The following CCAR2 variants were observed in gnomAD, a reference collection of about 807,000 sequenced individuals.
The protein encoded by CCAR2 is cell cycle and apoptosis regulator protein 2.
Under a neutral mutation model 108.1 loss-of-function variants are expected in CCAR2, and 21 were observed. That is an observed-to-expected ratio of 0.19 (90% CI 0.14 to 0.28). CCAR2 has a LOEUF of 0.28. CCAR2 is among the 10% of genes least tolerant of loss of function. The pLI, the probability that CCAR2 is intolerant of heterozygous loss-of-function variation, is 1.00. For missense variants in CCAR2, 1,126 were observed against 1,177.0 expected (o/e 0.96, Z 0.63); for synonymous variants, 577 against 472.8 (o/e 1.22, Z -2.86).
At chr8:22,611,386 A>ATGTGTGTGTG (rs200942064) in intron 7 of CCAR2, among the ~76,000 whole-genome samples, 1 of 9,008 alleles carries the variant, frequency 1.1e-4, no homozygotes, top group African/African-American at 3.0e-4. Context: ...AAAAGTATAT[A>ATGTGTGTGTG]TATGTGTGTG....
intron 8 of CCAR2, 112 bp from the exon 9 acceptor site, chr8:22,613,980 C>T: frequency 1.1e-6 from 1 of 926,110 alleles, no homozygotes; most frequent in East Asian, 2.6e-5. Context: ...TGCCTTACTT[C>T]AAAAGTTCTC....
At chr8:22,612,964 T>C in intron 7 of CCAR2, 53 bp from the exon 8 acceptor site, 1 of 1,548,384 alleles carries the variant, frequency 6.5e-7, no homozygotes, top group Non-Finnish European at 8.7e-7. Flanking sequence ...CAGTTTGTAT[T>C]GAATACATAT....
intron 6 of CCAR2, among the ~76,000 whole-genome samples, chr8:22,607,598 G>A (rs1186170559): frequency 6.6e-6 from 1 of 151,310 alleles, no homozygotes; most frequent in African/African-American, 2.4e-5. Context: ...TTCCCCCGTA[G>A]CTGGGATTAC....
Position 22,620,265 on chromosome 8 carries a change from G to A in CCAR2, c.*583G>A, listed in dbSNP as rs1059592. The A allele has an allele frequency of 0.38, 58,720 of 152,920 alleles. 11,783 individuals carry two copies. The highest frequency in any genetic ancestry group is 0.48 in the African/African-American group (19,994 of 41,442). 9.5% of individuals were successfully genotyped at this position (152,920 alleles called of 1,614,324 possible). A position where few individuals can be genotyped will look rare whatever the true frequency, so the allele number is the denominator to read the frequency against. ...TAGAACACTGCGTTCCAGTCACCCC[G>A]GTCTTGCCAGAAGAAACCAGCACCT... On this transcript the variant is annotated 3_prime_UTR_variant, in exon 21 of 21. Transcript: ENST00000308511.
chr8:22,612,857 A>T, intron 7 of CCAR2, 160 bp from the exon 8 acceptor site: 1 of 745,510 alleles, frequency 1.3e-6, no homozygotes, highest in Non-Finnish European at 2.1e-6. Flanking sequence ...TATCCATTTT[A>T]ATATCTTTAT....
intron 6 of CCAR2, among the ~76,000 whole-genome samples, 191 bp from the exon 7 acceptor site, chr8:22,607,777 AC>A (rs1182408279): frequency 3.3e-5 from 5 of 152,084 alleles, no homozygotes; most frequent in Non-Finnish European, 7.4e-5. Flanking sequence ...GGCACCCACC[AC>A]CATGCCCGGC....
At chr8:22,608,087 T>C (rs752583494) in intron 7 of CCAR2, 22 bp downstream of exon 7, 6 of 1,568,604 alleles carry the variant, frequency 3.8e-6, no homozygotes, top group Non-Finnish European at 5.2e-6. Flanking sequence ...ATGTCCCTTT[T>C]TTTGGCCACT....
Position 22,607,315 on chromosome 8 carries a change from T to C in CCAR2, c.477T>C (p.Phe159=), listed in dbSNP as rs202167215. The stretch of plus-strand genomic sequence containing the variant: ...AGCCTCACCGGATTCCCCCACTCTT[T>C]CCTCAGAAGCGTGAGTACGAGTGGC... ...IFQPHRIPPL[F]PQKPLSLFQT... Residue 159 remains phenylalanine (F), a synonymous_variant, in exon 6 of 21, where the codon TTT becomes TTC. Coordinates refer to ENST00000308511, the MANE Select transcript of CCAR2 (RefSeq NM_001393997.1). 81 of 1,612,142 alleles carry C rather than the reference T, an allele frequency of 5.0e-5. 1 individual carries two copies. In the South Asian group the frequency reaches 8.3e-4, roughly 17 times the overall value.
At chr8:22,617,082 C>T (rs1402978826) in intron 14 of CCAR2, among the ~76,000 whole-genome samples, 2 of 151,460 alleles carry the variant, frequency 1.3e-5, no homozygotes, top group Admixed American at 6.6e-5. Context: ...ACCATGTTGG[C>T]CTGGCTGGTC....
rs1801636310 is a variant in CCAR2, at chr8:22,618,939, G to A, written c.2445G>A (p.Leu815=). Residue 815 remains leucine (L), a synonymous_variant, in exon 19 of 21, where the codon CTG becomes CTA. Transcript: ENST00000308511. The stretch of plus-strand genomic sequence containing the variant: ...GCAGCCTGATTAACGTGGGGAGCCT[G>A]CTGCAGCGCGCGGAGCAGCAGGACA... The part of the protein sequence containing the change: ...HNGSLINVGS[L]LQRAEQQDSG... 6.2e-7 allele frequency: 1 copy of A among 1,613,612 alleles called. No homozygotes were observed. The highest frequency in any genetic ancestry group is 1.3e-5 in the African/African-American group (1 of 74,956).
At chr8:22,620,752 C>T (rs1255961740), downstream of CCAR2, 4 of 152,230 alleles carry the variant, frequency 2.6e-5, no homozygotes, top group African/African-American at 9.7e-5. Flanking sequence ...AATAAAATTC[C>T]AGATACTCAG....
chr8:22,605,847 C>T lies in CCAR2; in HGVS notation c.58+16C>T. 1 of 1,611,460 alleles carries T rather than the reference C, an allele frequency of 6.2e-7. No individual in the cohort carries two copies. Among genetic ancestry groups the T allele is most frequent in the South Asian group, 1.1e-5 (1 of 90,926 alleles). ...AACTTCTCAGGTGATCACTGTTCTC[C>T]CTACCTGGCCTCATCCTGGGAAGTA... is the stretch of plus-strand genomic sequence containing the variant. On this transcript the variant is annotated intron_variant, in intron 2 of 20. Coordinates refer to ENST00000308511, the MANE Select transcript of CCAR2 (RefSeq NM_001393997.1).
intron 20 of CCAR2, 63 bp from the exon 21 acceptor site, chr8:22,619,575 A>C: frequency 6.5e-7 from 1 of 1,531,452 alleles, no homozygotes; most frequent in African/African-American, 1.4e-5. Context: ...GGCAGTCCGC[A>C]GTCCGCAGTC....
chr8:22,612,971 A>G (rs201771993), intron 7 of CCAR2, 46 bp from the exon 8 acceptor site: 32 of 1,587,772 alleles, frequency 2.0e-5, no homozygotes, highest in African/African-American at 2.7e-5. Context: ...TATTGAATAC[A>G]TATAACAATG....
In CCAR2 at chr8:22,604,815, C is replaced by T; in HGVS notation, c.-66C>T. On this transcript the variant is annotated 5_prime_UTR_variant, in exon 1 of 21. Coordinates refer to ENST00000308511, the MANE Select transcript of CCAR2 (RefSeq NM_001393997.1). The stretch of plus-strand genomic sequence containing the variant: ...TGTGGTGGTTCCGGGTGTCTTTGTC[C>T]CCCCGGTGTCGCTGCCCTGGCCCGC... The T allele has an allele frequency of 8.8e-6, 4 of 455,254 alleles. No homozygotes were observed. Among genetic ancestry groups the T allele is most frequent in the South Asian group, 1.6e-5 (1 of 64,486 alleles). The allele number at this position is 455,254 out of a possible 1,614,324, so 28.2% of individuals were successfully genotyped here. A position where few individuals can be genotyped will look rare whatever the true frequency, so the allele number is the denominator to read the frequency against.
At chr8:22,619,419 A>C (rs1273487460) in intron 20 of CCAR2, 64 bp downstream of exon 20, 7 of 1,527,442 alleles carry the variant, frequency 4.6e-6, no homozygotes, top group Non-Finnish European at 6.2e-6. Flanking sequence ...AGTCCCCAGA[A>C]GGGCGCTTGC....
chr8:22,614,573 C>G, intron 10 of CCAR2, 70 bp downstream of exon 10: 1 of 1,400,276 alleles, frequency 7.1e-7, no homozygotes, highest in Non-Finnish European at 1.0e-6. Context: ...TTTGAGTGTT[C>G]GGCTCCTGTT....
chr8:22,621,291 A>G (rs1449680980), downstream of CCAR2: 2 of 1,262,794 alleles, frequency 1.6e-6, no homozygotes, highest in Non-Finnish European at 2.1e-6. Context: ...AGAGTCATTC[A>G]TTGCAAAGGG....
chr8:22,619,950 A>ATT lies in CCAR2; in HGVS notation c.*270_*271dup. ...ATGTCATTTTGCCCTCAACCTTGGTATTTCTCCTGGGGCCCTTTTAGTCTT... is the reference window on the plus strand; with the variant it reads ...ATGTCATTTTGCCCTCAACCTTGGTATTTTTCTCCTGGGGCCCTTTTAGTCTT... On this transcript the variant is annotated 3_prime_UTR_variant, in exon 21 of 21. Transcript: ENST00000308511. 1.9e-6 allele frequency: 1 copy of ATT among 517,890 alleles called. No individual in the cohort carries two copies. Among genetic ancestry groups the ATT allele is most frequent in the Admixed American group, 3.2e-5 (1 of 31,124 alleles). The allele number at this position is 517,890 out of a possible 1,614,324, so 32.1% of individuals were successfully genotyped here. A position where few individuals can be genotyped will look rare whatever the true frequency, so the allele number is the denominator to read the frequency against.
Sources: allele counts gnomAD v4.1 joint callset (sites outside exome capture counted in the v4.1 genomes callset), GRCh38; gene constraint gnomAD v4.1.1; transcripts MANE v1.5; gene names NCBI Gene and HGNC (gene_info 2026-07-23, HGNC 2026-07-21).